SH3BGRL: variants seen among roughly 807,000 people sequenced by gnomAD.
SH3BGRL encodes SH3 domain binding glutamate rich protein like.
In SH3BGRL, 7 loss-of-function variants were observed where a neutral mutation model predicts 9.8. That is an observed-to-expected ratio of 0.72 (90% CI 0.41 to 1.35). The LOEUF is 1.35. SH3BGRL is among the 40% of genes most tolerant of loss of function. The probability of loss-of-function intolerance (pLI) is 0.01; values close to 1 mark genes in which losing one functional copy is unlikely to be tolerated. For synonymous variants in SH3BGRL, 36 were observed against 29.1 expected (o/e 1.24, Z -0.76); for missense variants, 73 against 84.4 (o/e 0.86, Z 0.53).
chrX:81,291,313 C>G (rs1173387393), intron 3 of SH3BGRL, among the ~76,000 whole-genome samples: 2 of 111,106 alleles, frequency 1.8e-5, no homozygotes, highest in African/African-American at 6.6e-5. Context: ...CCTCGGGAAA[C>G]TTACAATCAT....
chrX:81,258,426 T>C (rs780498726), intron 1 of SH3BGRL, among the ~76,000 whole-genome samples: 12 of 112,384 alleles, frequency 1.1e-4, no homozygotes, highest in African/African-American at 3.9e-4. Flanking sequence ...AATTACTGGA[T>C]CAAATAACAT....
intron 3 of SH3BGRL, among the ~76,000 whole-genome samples, chrX:81,280,314 C>G (rs985429232): frequency 9.0e-6 from 1 of 111,151 alleles, no homozygotes; most frequent in Non-Finnish European, 1.9e-5. Flanking sequence ...GGTCCCTCTC[C>G]GCAATACTAC....
intron 1 of SH3BGRL, among the ~76,000 whole-genome samples, chrX:81,220,561 C>T (rs1370601913): frequency 9.1e-6 from 1 of 109,612 alleles, no homozygotes; most frequent in African/African-American, 3.3e-5. Flanking sequence ...TTTCAAAAAA[C>T]CCACTTTTTG....
intron 1 of SH3BGRL, among the ~76,000 whole-genome samples, chrX:81,263,931 T>G (rs1335715625): frequency 9.1e-6 from 1 of 110,035 alleles, no homozygotes; most frequent in Non-Finnish European, 1.9e-5. Context: ...AGCGGAGGCA[T>G]GTGCTGTATT....
Position 81,202,403 on chromosome X carries a change from T to G in SH3BGRL, c.45+158T>G, listed in dbSNP as rs1437833571. ...TTCTTCTTCCCTTTTTTCCCTTTGTTGCATCGATTTCATTTTTTTTTTTTT... is the reference window on the plus strand; with the variant it reads ...TTCTTCTTCCCTTTTTTCCCTTTGTGGCATCGATTTCATTTTTTTTTTTTT... On this transcript the variant is annotated intron_variant, in intron 1 of 3. Coordinates refer to ENST00000373212, the MANE Select transcript of SH3BGRL (RefSeq NM_003022.3). 16 of 1,013,188 alleles carry G rather than the reference T, an allele frequency of 1.6e-5. No homozygotes were observed. In the South Asian group the frequency reaches 4.4e-4, roughly 28 times the overall value. The allele number at this position is 1,013,188 out of a possible 1,213,427, so 83.5% of individuals were successfully genotyped here. A position where few individuals can be genotyped will look rare whatever the true frequency, so the allele number is the denominator to read the frequency against.
intron 1 of SH3BGRL, among the ~76,000 whole-genome samples, chrX:81,252,223 G>A (rs372867177): frequency 1.5e-4 from 17 of 112,149 alleles, no homozygotes; most frequent in East Asian, 5.6e-4. Flanking sequence ...GTACTGAAGC[G>A]CAGAGATGAT....
At chrX:81,286,001 C>T (rs1420458736) in intron 3 of SH3BGRL, among the ~76,000 whole-genome samples, 2 of 111,444 alleles carry the variant, frequency 1.8e-5, no homozygotes, top group East Asian at 5.6e-4. Context: ...GAAAAGTACT[C>T]TGTGTCAAAT....
chrX:81,279,669 G>A (rs1242705889), intron 3 of SH3BGRL, among the ~76,000 whole-genome samples: 1 of 111,537 alleles, frequency 9.0e-6, no homozygotes, highest in African/African-American at 3.3e-5. Context: ...GGAAGCAACA[G>A]GAAGGCCCTG....
At chrX:81,292,909 T>C (rs2075862727) in intron 3 of SH3BGRL, among the ~76,000 whole-genome samples, 2 of 111,566 alleles carry the variant, frequency 1.8e-5, no homozygotes, top group South Asian at 7.6e-4. Context: ...ACACTAGTGA[T>C]AGCTGATGAA....
intron 1 of SH3BGRL, among the ~76,000 whole-genome samples, chrX:81,260,052 T>C (rs953686793): frequency 5.4e-5 from 6 of 111,725 alleles, no homozygotes; most frequent in African/African-American, 1.9e-4. Flanking sequence ...AAAAAACCTA[T>C]GGTGTATAAA....
intron 1 of SH3BGRL, among the ~76,000 whole-genome samples, chrX:81,254,374 T>C (rs1214719727): frequency 8.9e-6 from 1 of 111,822 alleles, no homozygotes; most frequent in Non-Finnish European, 1.9e-5. Flanking sequence ...GAGTACATTC[T>C]TAGTGCTTTC....
chrX:81,292,415 A>G (rs757747675), intron 3 of SH3BGRL, among the ~76,000 whole-genome samples: 1 of 111,264 alleles, frequency 9.0e-6, no homozygotes, highest in South Asian at 3.8e-4. Context: ...ATGAGTTGCC[A>G]TATCCTGAGG....
chrX:81,251,791 A>G (rs1569363988), intron 1 of SH3BGRL, among the ~76,000 whole-genome samples: 1 of 112,222 alleles, frequency 8.9e-6, no homozygotes, highest in Non-Finnish European at 1.9e-5. Flanking sequence ...GAACTAACCT[A>G]CAGGATATTG....
intron 3 of SH3BGRL, among the ~76,000 whole-genome samples, chrX:81,282,961 C>T (rs1036761062): frequency 2.7e-5 from 3 of 112,141 alleles, no homozygotes; most frequent in Non-Finnish European, 3.8e-5. Context: ...ATCCAAATAA[C>T]TTCACTAAGA....
chrX:81,224,465 A>T (rs888477586), intron 1 of SH3BGRL, among the ~76,000 whole-genome samples: 8 of 109,559 alleles, frequency 7.3e-5, no homozygotes, highest in Non-Finnish European at 1.3e-4. Flanking sequence ...GAAAGAAAGG[A>T]TTTTTTTTTC....
At chrX:81,225,713 G>C (rs948911664) in intron 1 of SH3BGRL, among the ~76,000 whole-genome samples, 2 of 111,044 alleles carry the variant, frequency 1.8e-5, no homozygotes, top group Admixed American at 1.9e-4. Context: ...ACAATAGCTA[G>C]ATCCAATTAA....
intron 1 of SH3BGRL, among the ~76,000 whole-genome samples, chrX:81,209,733 C>G (rs1419814649): frequency 8.9e-6 from 1 of 111,870 alleles, no homozygotes; most frequent in Non-Finnish European, 1.9e-5. Flanking sequence ...CATTCATAAC[C>G]CGTACTCGAG....
intron 3 of SH3BGRL, among the ~76,000 whole-genome samples, chrX:81,288,609 A>G (rs2075845726): frequency 8.9e-6 from 1 of 112,501 alleles, no homozygotes; most frequent in South Asian, 3.6e-4. Flanking sequence ...CAAAATCAAC[A>G]TACAAAGTCA....
At chrX:81,222,071 G>A (rs925325654) in intron 1 of SH3BGRL, among the ~76,000 whole-genome samples, 5 of 112,163 alleles carry the variant, frequency 4.5e-5, no homozygotes, top group African/African-American at 1.6e-4. Flanking sequence ...ACCTCCTTTG[G>A]TAATATGCTG....
Sources: allele counts gnomAD v4.1 joint callset (sites outside exome capture counted in the v4.1 genomes callset), GRCh38; gene constraint gnomAD v4.1.1; transcripts MANE v1.5; gene names NCBI Gene and HGNC (gene_info 2026-07-23, HGNC 2026-07-21).